PDXDC1: variants seen among roughly 807,000 people sequenced by gnomAD.
PDXDC1 encodes pyridoxal-dependent decarboxylase domain-containing protein 1.
PDXDC1 carries 42 observed loss-of-function variants against 100.1 expected under a neutral mutation model. That is an observed-to-expected ratio of 0.42 (90% confidence interval 0.33 to 0.54). PDXDC1 has a LOEUF of 0.54. PDXDC1 is among the 20% of genes least tolerant of loss of function. The pLI is 0.10. For missense variants in PDXDC1, 636 were observed against 979.2 expected (o/e 0.65, Z 4.68); for synonymous variants, 260 against 371.7 (o/e 0.70, Z 3.46).
chr16:14,978,076 CAG>C (rs1303827741), intron 1 of PDXDC1, among the ~76,000 whole-genome samples: 3 of 152,026 alleles, frequency 2.0e-5, no homozygotes, highest in Non-Finnish European at 2.9e-5. Context: ...CCTGTGATAA[CAG>C]AGCCATTTTC....
At chr16:14,987,772 T>G (rs1969723457) in intron 1 of PDXDC1, among the ~76,000 whole-genome samples, 1 of 152,260 alleles carries the variant, frequency 6.6e-6, no homozygotes, top group Non-Finnish European at 1.5e-5. Flanking sequence ...CCACCACGCC[T>G]GGCTAATTTC....
At chr16:15,092,888 A>G (rs150910120) in intron 16 of PDXDC1, among the ~76,000 whole-genome samples, 43 of 152,232 alleles carry the variant, frequency 2.8e-4, no homozygotes, top group African/African-American at 1.0e-3. Flanking sequence ...CTCATCTCCA[A>G]CAACTTGTTT....
At chr16:15,152,121 C>G in the PDXDC1 span, among the ~76,000 whole-genome samples, 1 of 143,654 alleles carries the variant, frequency 7.0e-6, no homozygotes, top group African/African-American at 2.5e-5. Context: ...CACCACCTCT[C>G]GGCAGCATCA....
At chr16:15,132,423 G>C (rs2048146476) in intron 16 of PDXDC1, among the ~76,000 whole-genome samples, 1 of 120,154 alleles carries the variant, frequency 8.3e-6, no homozygotes, top group South Asian at 3.3e-4. Flanking sequence ...GAGGGGCTAG[G>C]GGAGGGAAGG....
intron 4 of PDXDC1, among the ~76,000 whole-genome samples, chr16:15,002,428 T>A (rs1973357499): frequency 6.6e-6 from 1 of 152,302 alleles, no homozygotes; most frequent in Non-Finnish European, 1.5e-5. Context: ...TAATACATAA[T>A]TACTATGCAT....
In PDXDC1 at chr16:15,034,339, G is replaced by A; in HGVS notation, c.1866G>A (p.Val622=). The change falls in exon 20 of 23, where the codon GTG becomes GTA. Residue 622 remains valine, a synonymous_variant. Transcript: ENST00000396410. The stretch of plus-strand genomic sequence containing the variant: ...GGAAAGGCATTCAGGAAGCTCAAGT[G>A]GAGCTGCAGAAGGCAAGTGAAGAAC... ...VVRKGIQEAQ[V]ELQKASEERL... is the part of the protein sequence containing the mutation. The A allele has an allele frequency of 6.2e-7, 1 of 1,613,512 alleles. No individual in the cohort carries two copies. Among genetic ancestry groups the A allele is most frequent in the Non-Finnish European group, 8.5e-7 (1 of 1,179,986 alleles).
intron 2 of PDXDC1, 151 bp downstream of exon 2, chr16:14,997,977 G>A: frequency 1.3e-6 from 1 of 788,320 alleles, no homozygotes; most frequent in South Asian, 2.0e-5. Flanking sequence ...TTGGGTAAAA[G>A]GTGCCTTGTA....
chr16:15,034,070 G>A (rs765169910), intron 19 of PDXDC1: 28 of 588,488 alleles, frequency 4.8e-5, no homozygotes, highest in Admixed American at 1.5e-4. Context: ...TCAAGAATAC[G>A]TAGCAAATGA....
chr16:15,015,330 A>G (rs921701186), intron 8 of PDXDC1, among the ~76,000 whole-genome samples: 1 of 152,298 alleles, frequency 6.6e-6, no homozygotes, highest in African/African-American at 2.4e-5. Context: ...TTTATCTTGG[A>G]CAAATGCTGA....
chr16:15,079,326 G>A (rs1201671181), intron 16 of PDXDC1, among the ~76,000 whole-genome samples: 2 of 152,100 alleles, frequency 1.3e-5, no homozygotes, highest in African/African-American at 4.8e-5. Context: ...AGTTTTAACT[G>A]TTTATAATTA....
chr16:15,084,165 T>A (rs1397198749), intron 16 of PDXDC1, among the ~76,000 whole-genome samples: 2 of 152,208 alleles, frequency 1.3e-5, no homozygotes, highest in African/African-American at 4.8e-5. Context: ...CATTTCCCAC[T>A]ACACATGTAT....
chr16:14,986,069 A>AC (rs1210857680), intron 1 of PDXDC1, among the ~76,000 whole-genome samples: 1 of 152,378 alleles, frequency 6.6e-6, no homozygotes, highest in Non-Finnish European at 1.5e-5. Flanking sequence ...CCACTGTGAC[A>AC]GCCTGGACAA....
At chr16:15,124,372 C>G (rs1038069551) in intron 16 of PDXDC1, among the ~76,000 whole-genome samples, 3 of 152,162 alleles carry the variant, frequency 2.0e-5, no homozygotes, top group Non-Finnish European at 4.4e-5. Flanking sequence ...TTACCATTTA[C>G]TATGACATAA....
At chr16:15,148,144 A>C in the PDXDC1 span, among the ~76,000 whole-genome samples, 5 of 150,106 alleles carry the variant, frequency 3.3e-5, no homozygotes, top group Non-Finnish European at 7.4e-5. Context: ...GCCACCACTA[A>C]TATCTATTTA....
chr16:15,011,523 TA>T (rs1419636451), intron 8 of PDXDC1, among the ~76,000 whole-genome samples: 9 of 152,376 alleles, frequency 5.9e-5, no homozygotes, highest in African/African-American at 1.9e-4. Context: ...ATGTGAACCA[TA>T]AATTGTACTT....
chr16:14,989,351 C>A (rs1160640762), intron 1 of PDXDC1: 1 of 1,612,328 alleles, frequency 6.2e-7, no homozygotes, highest in African/African-American at 1.3e-5. Flanking sequence ...GGAGGCGGTT[C>A]ACCAGCTTCT....
In PDXDC1 at chr16:15,133,642, A is replaced by G. The variant is rs1275295910; in HGVS notation, c.1400-5237A>G. 244 of 1,376,854 alleles carry G rather than the reference A, an allele frequency of 1.8e-4. 1 individual carries two copies. Among genetic ancestry groups the G allele is most frequent in the South Asian group, 2.9e-4 (25 of 85,312 alleles). The allele number at this position is 1,376,854 out of a possible 1,614,324, so 85.3% of individuals were successfully genotyped here. On this transcript the variant is annotated intron_variant, in intron 16 of 16. Transcript: ENST00000535621. ...AGAACTCCTCGCAGTGGCCCTGGCGACAGCGCTGCAGCAGCAGGGCGTACA... is the reference window on the plus strand; with the variant it reads ...AGAACTCCTCGCAGTGGCCCTGGCGGCAGCGCTGCAGCAGCAGGGCGTACA...
intron 16 of PDXDC1, among the ~76,000 whole-genome samples, chr16:15,082,862 T>C (rs1283498016): frequency 1.3e-5 from 2 of 152,204 alleles, no homozygotes; most frequent in Non-Finnish European, 2.9e-5. Context: ...TGGAAGGCTT[T>C]GTCTTCAGGT....
the PDXDC1 span, among the ~76,000 whole-genome samples, chr16:15,146,452 G>A: frequency 1.3e-5 from 2 of 152,194 alleles, no homozygotes; most frequent in African/African-American, 4.8e-5. Flanking sequence ...CGATACTCGC[G>A]GCTCTGCCAA....
Sources: allele counts gnomAD v4.1 joint callset (sites outside exome capture counted in the v4.1 genomes callset), GRCh38; gene constraint gnomAD v4.1.1; transcripts MANE v1.5; gene names NCBI Gene and HGNC (gene_info 2026-07-23, HGNC 2026-07-21).